MALRD1: variants seen among roughly 807,000 people sequenced by gnomAD.
MALRD1 encodes the protein MAM and LDL-receptor class A domain-containing protein 1.
In MALRD1, 247 loss-of-function variants were observed where a neutral mutation model predicts 242.1. That is an observed-to-expected ratio of 1.02 (90% CI 0.92 to 1.13). The LOEUF (loss-of-function observed/expected upper bound fraction) is 1.13. MALRD1 is among the 50% of genes most tolerant of loss of function. The pLI is 0.00. For missense variants in MALRD1, 2,989 were observed against 2,533.1 expected (o/e 1.18, Z -3.86); for synonymous variants, 995 against 866.6 (o/e 1.15, Z -2.60).
At chr10:19,720,222 C>T (rs1834679287) in intron 38 of MALRD1, among the ~76,000 whole-genome samples, 1 of 152,178 alleles carries the variant, frequency 6.6e-6, no homozygotes, top group Admixed American at 6.5e-5. Context: ...GCTTCAAGAT[C>T]TCCATAAAAT....
At chr10:19,613,509 T>A (rs1422297049) in intron 35 of MALRD1, among the ~76,000 whole-genome samples, 1 of 151,994 alleles carries the variant, frequency 6.6e-6, no homozygotes, top group Non-Finnish European at 1.5e-5. Context: ...TTTAAATATC[T>A]CTTAAAAATT....
At chr10:19,323,619 T>C (rs904370978) in intron 21 of MALRD1, among the ~76,000 whole-genome samples, 1 of 152,182 alleles carries the variant, frequency 6.6e-6, no homozygotes, top group Non-Finnish European at 1.5e-5. Context: ...GTATTCTTCT[T>C]CTTTTTGAGA....
At chr10:19,338,809 C>T (rs1179711744) in intron 24 of MALRD1, among the ~76,000 whole-genome samples, 2 of 151,502 alleles carry the variant, frequency 1.3e-5, no homozygotes, top group Non-Finnish European at 2.9e-5. Context: ...TGATTATAGT[C>T]ACCCTGATGT....
intron 1 of MALRD1, chr10:19,051,698 G>T (rs1834502170): frequency 6.5e-6 from 1 of 153,488 alleles, no homozygotes; most frequent in Admixed American, 6.5e-5. Flanking sequence ...GCCGAGGTGG[G>T]TGGATCACGA....
At chr10:19,188,741 A>G (rs566763006) in intron 14 of MALRD1, among the ~76,000 whole-genome samples, 12 of 152,318 alleles carry the variant, frequency 7.9e-5, no homozygotes, top group Admixed American at 5.9e-4. Context: ...AGACATCACC[A>G]GCAAACTGCC....
At chr10:19,294,581 C>T (rs1453155790) in intron 21 of MALRD1, among the ~76,000 whole-genome samples, 1 of 152,116 alleles carries the variant, frequency 6.6e-6, no homozygotes, top group Non-Finnish European at 1.5e-5. Context: ...TAAAACCCAG[C>T]AGAAAGTTTT....
chr10:19,196,533 TTTG>T (rs1316084468), intron 14 of MALRD1, among the ~76,000 whole-genome samples: 6 of 72,926 alleles, frequency 8.2e-5, no homozygotes, highest in African/African-American at 4.3e-4. Flanking sequence ...GGCACCACTC[TTTG>T]TTTTTTTTTT....
chr10:19,298,960 C>A (rs1159341626), intron 21 of MALRD1, among the ~76,000 whole-genome samples: 1 of 151,710 alleles, frequency 6.6e-6, no homozygotes, highest in Admixed American at 6.6e-5. Context: ...GAATTCTATA[C>A]CTGGTAAAAA....
Position 19,209,650 on chromosome 10 carries a change from C to A in MALRD1, c.2961C>A (p.His987Gln). The change falls in exon 18 of 40, where the codon CAC becomes CAA. Residue 987 changes from histidine to glutamine, a missense_variant. By Grantham distance (24) the His-to-Gln change is conservative (BLOSUM62 0). Coordinates refer to ENST00000454679, the MANE Select transcript of MALRD1 (RefSeq NM_001142308.3). ...AAGGCAACAGATGGATTAGGAAACA[C>A]CTCAACATTTCCAGCAGGCAGCCCT... ...GNQGNRWIRK[H>Q]LNISSRQPFQ... 1 of 1,549,902 alleles carries A rather than the reference C, an allele frequency of 6.5e-7. No individual in the cohort carries two copies. The highest frequency in any genetic ancestry group is 2.4e-5 in the East Asian group (1 of 40,916).
intron 21 of MALRD1, among the ~76,000 whole-genome samples, chr10:19,287,933 C>G (rs1841211256): frequency 6.6e-6 from 1 of 151,978 alleles, no homozygotes; most frequent in African/African-American, 2.4e-5. Flanking sequence ...ATATTCCTTG[C>G]TGTAAACAAG....
At chr10:19,442,397 A>T (rs1321390321) in intron 28 of MALRD1, among the ~76,000 whole-genome samples, 2 of 152,116 alleles carry the variant, frequency 1.3e-5, no homozygotes, top group Non-Finnish European at 2.9e-5. Flanking sequence ...GTCTTGTGCC[A>T]GTTTTCAAAG....
chr10:19,154,416 C>T (rs1012211352), intron 11 of MALRD1, among the ~76,000 whole-genome samples: 2 of 152,144 alleles, frequency 1.3e-5, no homozygotes, highest in Non-Finnish European at 2.9e-5. Context: ...AGTATCAGAC[C>T]TTGACATTGT....
chr10:19,407,169 G>A (rs115482118), intron 28 of MALRD1, among the ~76,000 whole-genome samples: 3,576 of 152,050 alleles, frequency 0.024, 55 homozygotes, highest in Middle Eastern at 0.037. Context: ...ATATACTACT[G>A]CCTCTATAAA....
rs192763423 is a variant in MALRD1 at position 19,327,762 on chromosome 10, C to T, written c.3687+89C>T. The stretch of plus-strand genomic sequence containing the variant: ...TCCTTCTCTACTCACAGTCTTCTTG[C>T]CCCCATTCCCTTTTTGATGTGTTCT... On this transcript the variant is annotated intron_variant, in intron 23 of 39. Coordinates refer to ENST00000454679, the MANE Select transcript of MALRD1 (RefSeq NM_001142308.3). 9,793 of 1,053,188 alleles carry T rather than the reference C, an allele frequency of 9.3e-3. 91 individuals carry two copies. Among genetic ancestry groups the T allele is most frequent in the Non-Finnish European group, 9.7e-3 (6,923 of 712,582 alleles). 65.2% of individuals were successfully genotyped at this position (1,053,188 alleles called of 1,614,324 possible). A position where few individuals can be genotyped will look rare whatever the true frequency, so the allele number is the denominator to read the frequency against.
intron 36 of MALRD1, among the ~76,000 whole-genome samples, 153 bp from the exon 37 acceptor site, chr10:19,692,129 T>C (rs1399576199): frequency 6.6e-6 from 1 of 152,198 alleles, no homozygotes; most frequent in Non-Finnish European, 1.5e-5. Flanking sequence ...TTGGTTTTGC[T>C]TTGGCTTAAA....
At chr10:19,146,399 A>C (rs1833727489) in intron 11 of MALRD1, 55 bp downstream of exon 11, 6 of 1,189,436 alleles carry the variant, frequency 5.0e-6, no homozygotes, top group Non-Finnish European at 6.3e-6. Flanking sequence ...ATGTTGTGGA[A>C]TGATGATACT....
chr10:19,719,223 C>CATATATATATAT lies in MALRD1; in HGVS notation c.6315-11458_6315-11447dup, dbSNP rs368394538. Among the ~76,000 whole-genome samples the CATATATATATAT allele has an allele frequency of 7.7e-3, 588 of 76,224 alleles. 15 individuals carry two copies. The highest frequency in any genetic ancestry group is 0.011 in the African/African-American group (183 of 17,076). The allele number at this position is 76,224 out of a possible 152,430, so 50.0% of individuals were successfully genotyped here. A position where few individuals can be genotyped will look rare whatever the true frequency, so the allele number is the denominator to read the frequency against. ...ATATATATATATATACACATACATA[C>CATATATATATAT]ATATATATATATATATATATATATA... On this transcript the variant is annotated intron_variant, in intron 38 of 39. Coordinates refer to ENST00000454679, the MANE Select transcript of MALRD1 (RefSeq NM_001142308.3).
intron 13 of MALRD1, among the ~76,000 whole-genome samples, chr10:19,166,646 G>A (rs1252132324): frequency 6.6e-6 from 1 of 152,090 alleles, no homozygotes. Flanking sequence ...TTATTTGATA[G>A]TGACACATTA....
At chr10:19,517,875 T>G (rs184572281) in intron 31 of MALRD1, among the ~76,000 whole-genome samples, 11 of 152,002 alleles carry the variant, frequency 7.2e-5, no homozygotes, top group Admixed American at 6.6e-4. Context: ...TCATGGGAGG[T>G]TTCCTCCACA....
Sources: gnomAD v4.1 joint callset for allele counts (sites outside exome capture counted in the v4.1 genomes callset) on GRCh38, gnomAD v4.1.1 for gene constraint, MANE v1.5 for transcripts, NCBI Gene and HGNC (gene_info 2026-07-23, HGNC 2026-07-21) for gene names.